The following ST8SIA5 variants were observed in gnomAD, a reference collection of about 807,000 sequenced individuals.
ST8SIA5 encodes alpha-2,8-sialyltransferase 8E.
A neutral mutation model predicts 40.2 loss-of-function variants in ST8SIA5; 24 were observed. The ratio of observed to expected loss-of-function variants is 0.60; its 90% CI spans 0.43 to 0.84. The LOEUF (loss-of-function observed/expected upper bound fraction) is 0.84. Ranked by LOEUF, ST8SIA5 falls within the 40% of genes least tolerant of loss-of-function variation. The probability of loss-of-function intolerance (pLI) is 0.00; values close to 1 mark genes in which losing one functional copy is unlikely to be tolerated. For missense variants in ST8SIA5, 465 were observed against 498.5 expected, an observed-to-expected ratio of 0.93 and a Z score of 0.64; for synonymous variants, 198 against 201.8, an observed-to-expected ratio of 0.98 and a Z score of 0.16.
intron 1 of ST8SIA5, among the ~76,000 whole-genome samples, chr18:46,754,387 G>A (rs944844429): frequency 2.6e-5 from 4 of 152,294 alleles, no homozygotes; most frequent in Admixed American, 2.6e-4. Context: ...CAGCCTATCA[G>A]TGCTTCTCTT....
rs1050399385 is a variant in ST8SIA5, at chr18:46,735,017, C to G, written c.131+21361G>C. 2.0e-5 allele frequency among the ~76,000 whole-genome samples: 3 copies of G among 152,262 alleles called. 1 individual carries two copies. Among genetic ancestry groups the G allele is most frequent in the Admixed American group, 1.3e-4 (2 of 15,282 alleles). ...CACCCTTAATGTGGGTAGGCACCAT[C>G]TAATCAACTGCCAATGTGGCTAGAA... is the stretch of plus-strand genomic sequence containing the variant. On this transcript the variant is annotated intron_variant, in intron 1 of 6. Coordinates refer to ENST00000315087, the MANE Select transcript of ST8SIA5 (RefSeq NM_013305.6).
At chr18:46,687,613 G>A (rs1386807809) in intron 4 of ST8SIA5, among the ~76,000 whole-genome samples, 1 of 152,162 alleles carries the variant, frequency 6.6e-6, no homozygotes, top group Non-Finnish European at 1.5e-5. Context: ...GGGCCACAGT[G>A]ATTGAGAACA....
intron 2 of ST8SIA5, among the ~76,000 whole-genome samples, chr18:46,699,237 T>C (rs948711983): frequency 6.6e-6 from 1 of 152,170 alleles, no homozygotes; most frequent in Non-Finnish European, 1.5e-5. Context: ...TGATATTTGG[T>C]AGAACAAGAA....
At position 46,756,876 on chromosome 18, in the gene ST8SIA5, A is replaced by G. The variant is rs1297066543; in HGVS notation, c.-368T>C. On this transcript the variant is annotated 5_prime_UTR_variant, in exon 1 of 7. Transcript: ENST00000315087. Reference sequence around the variant, plus strand: ...GCCCCTCCCGCCGAGGTGGCGGCCAATGGGGAGCAAGACCCGGGCTCCGTC... The same window carrying G: ...GCCCCTCCCGCCGAGGTGGCGGCCAGTGGGGAGCAAGACCCGGGCTCCGTC... 4.2e-5 allele frequency: 10 copies of G among 237,198 alleles called. No individual in the cohort carries two copies. The South Asian group carries it at 4.8e-4, about 11-fold the overall frequency. The allele number at this position is 237,198 out of a possible 1,614,324, so 14.7% of individuals were successfully genotyped here.
chr18:46,704,738 A>G (rs1356819931), intron 1 of ST8SIA5, 74 bp from the exon 2 acceptor site: 2 of 1,226,904 alleles, frequency 1.6e-6, no homozygotes, highest in Middle Eastern at 1.9e-4. Flanking sequence ...CTCTTGTTGC[A>G]GGGTGGAGTG....
chr18:46,709,917 T>C (rs2039706130), intron 1 of ST8SIA5, among the ~76,000 whole-genome samples: 1 of 152,232 alleles, frequency 6.6e-6, no homozygotes, highest in South Asian at 2.1e-4. Flanking sequence ...TCTAACTATC[T>C]CAAGCTTCCC....
intron 5 of ST8SIA5, among the ~76,000 whole-genome samples, chr18:46,684,772 G>T (rs377306231): frequency 6.6e-6 from 1 of 152,170 alleles, no homozygotes; most frequent in Non-Finnish European, 1.5e-5. Context: ...CTGCAAGAGC[G>T]AGACCACTCA....
chr18:46,734,108 G>T (rs1453922974), intron 1 of ST8SIA5, among the ~76,000 whole-genome samples: 1 of 152,110 alleles, frequency 6.6e-6, no homozygotes, highest in Admixed American at 6.5e-5. Context: ...CCAGATTAGA[G>T]CGGAGATGCT....
intron 1 of ST8SIA5, among the ~76,000 whole-genome samples, chr18:46,730,962 C>T (rs2039979755): frequency 6.6e-6 from 1 of 152,160 alleles, no homozygotes; most frequent in South Asian, 2.1e-4. Flanking sequence ...GCCTGGATGA[C>T]AGAGCAACAA....
chr18:46,682,155 G>A, intron 5 of ST8SIA5, 91 bp from the exon 6 acceptor site: 1 of 1,005,120 alleles, frequency 9.9e-7, no homozygotes, highest in Non-Finnish European at 1.4e-6. Flanking sequence ...TGGTGATCAT[G>A]TGGGCAGAGG....
chr18:46,704,867 C>T (rs1438251366), intron 1 of ST8SIA5, among the ~76,000 whole-genome samples: 2 of 152,182 alleles, frequency 1.3e-5, no homozygotes, highest in Non-Finnish European at 2.9e-5. Context: ...TTACTCTCAG[C>T]GCCCCACTCC....
intron 1 of ST8SIA5, among the ~76,000 whole-genome samples, chr18:46,739,216 C>G (rs1311805114): frequency 6.6e-6 from 1 of 152,060 alleles, no homozygotes; most frequent in Non-Finnish European, 1.5e-5. Context: ...TGGGTGAAGG[C>G]CCAGAGTTAG....
intron 4 of ST8SIA5, among the ~76,000 whole-genome samples, chr18:46,688,344 C>T (rs1411127167): frequency 2.6e-5 from 4 of 152,200 alleles, no homozygotes; most frequent in Non-Finnish European, 5.9e-5. Context: ...AATATCTGCC[C>T]ACGGTCATCA....
At chr18:46,736,239 A>G (rs2040033258) in intron 1 of ST8SIA5, among the ~76,000 whole-genome samples, 1 of 152,334 alleles carries the variant, frequency 6.6e-6, no homozygotes, top group South Asian at 2.1e-4. Flanking sequence ...CAACACTTCC[A>G]GTGCTCAGTA....
intron 1 of ST8SIA5, among the ~76,000 whole-genome samples, chr18:46,710,411 CTTTCTTTT>C (rs1231542796): frequency 7.8e-6 from 1 of 128,552 alleles, no homozygotes; most frequent in Non-Finnish European, 1.7e-5. Flanking sequence ...TTCTTTCTTT[CTTTCTTTT>C]TCTTTCTCTC....
At chr18:46,719,703 T>TTTCTTTCTTTCTTTCTTTCTTTCTTTCG (rs2039836890) in intron 1 of ST8SIA5, among the ~76,000 whole-genome samples, 1 of 149,164 alleles carries the variant, frequency 6.7e-6, no homozygotes, top group African/African-American at 2.5e-5. Context: ...TCTTTCTTTC[T>TTTCTTTCTTTCTTTCTTTCTTTCTTTCG]TTCTCTCTTT....
At chr18:46,692,132 A>G (rs2039511968) in intron 3 of ST8SIA5, 37 bp downstream of exon 3, 1 of 1,606,338 alleles carries the variant, frequency 6.2e-7, no homozygotes. Flanking sequence ...GAGGAGAATC[A>G]TACAAGGAGA....
At chr18:46,709,426 G>T (rs117200162) in intron 1 of ST8SIA5, among the ~76,000 whole-genome samples, 1 of 152,124 alleles carries the variant, frequency 6.6e-6, no homozygotes, top group Non-Finnish European at 1.5e-5. Flanking sequence ...AATTATAAAC[G>T]ACCCAGTCTA....
chr18:46,691,186 G>T (rs2039501765), intron 3 of ST8SIA5, among the ~76,000 whole-genome samples: 1 of 152,166 alleles, frequency 6.6e-6, no homozygotes, highest in Non-Finnish European at 1.5e-5. Flanking sequence ...CTACTGTCAG[G>T]CCTTTGCTTG....
Sources: gnomAD v4.1 joint callset for allele counts (sites outside exome capture counted in the v4.1 genomes callset) on GRCh38, gnomAD v4.1.1 for gene constraint, MANE v1.5 for transcripts, NCBI Gene and HGNC (gene_info 2026-07-23, HGNC 2026-07-21) for gene names.